Variants in RGS9 observed in about 807,000 individuals in gnomAD.
RGS9 encodes the protein regulator of G protein signaling 9.
A neutral mutation model predicts 102.0 loss-of-function variants in RGS9; 78 were observed. That is an observed-to-expected ratio of 0.76 (90% CI 0.64 to 0.92). The LOEUF (loss-of-function observed/expected upper bound fraction) is 0.92. RGS9 is among the 40% of genes least tolerant of loss of function. RGS9 has a pLI of 0.00. For missense variants in RGS9, 833 were observed against 866.1 expected, an observed-to-expected ratio of 0.96 and a Z score of 0.48; for synonymous variants, 353 against 318.6, an observed-to-expected ratio of 1.11 and a Z score of -1.15.
rs190284951 is a variant in RGS9 at position 65,225,300 on chromosome 17, G to C, written c.1706G>C (p.Arg569Pro). The change falls in exon 18 of 19, where the codon CGG becomes CCG. Residue 569 changes from arginine (R) to proline (P), a missense_variant. Transcript: ENST00000262406. ...CTCGACACCTCCTGGCCTCGCAGCCGGCCCAGGGCCCCTCCTAAGGCCCGC... is the reference window on the plus strand; with the variant it reads ...CTCGACACCTCCTGGCCTCGCAGCCCGCCCAGGGCCCCTCCTAAGGCCCGC... The part of the protein sequence containing the change: ...ASLDTSWPRS[R>P]PRAPPKARMA... 1.2e-6 allele frequency: 2 copies of C among 1,608,954 alleles called. No individual in the cohort carries two copies. Among genetic ancestry groups the C allele is most frequent in the Non-Finnish European group, 1.7e-6 (2 of 1,179,838 alleles).
intron 14 of RGS9, among the ~76,000 whole-genome samples, chr17:65,203,319 C>T (rs1391551752): frequency 6.6e-6 from 1 of 152,162 alleles, no homozygotes; most frequent in African/African-American, 2.4e-5. Context: ...GTCCGGGAAG[C>T]TTCCATGACA....
chr17:65,171,697 G>T (rs1404348104), intron 8 of RGS9, among the ~76,000 whole-genome samples: 1 of 152,250 alleles, frequency 6.6e-6, no homozygotes, highest in Non-Finnish European at 1.5e-5. Context: ...GTAGTTGAGG[G>T]CTCTGACCTG....
Position 65,137,465 on chromosome 17 carries a change from C to T in RGS9, c.-76C>T, listed in dbSNP as rs1025476249. On this transcript the variant is annotated 5_prime_UTR_variant, in exon 1 of 19. Transcript: ENST00000262406. The stretch of plus-strand genomic sequence containing the variant: ...ACGCCCAGGGCTGGGGCGAGCCAGG[C>T]TGCCTTTCGAACTTGGGGGGCTTCT... 1.3e-6 allele frequency: 2 copies of T among 1,483,098 alleles called. No individual in the cohort carries two copies. The highest frequency in any genetic ancestry group is 2.3e-5 in the East Asian group (1 of 44,202). 91.9% of individuals were successfully genotyped at this position (1,483,098 alleles called of 1,614,324 possible). A position where few individuals can be genotyped will look rare whatever the true frequency, so the allele number is the denominator to read the frequency against.
rs968978926 is a variant in RGS9, at chr17:65,193,629, C to A, written c.833C>A (p.Thr278Asn). 2 of 1,613,266 alleles carry A rather than the reference C, an allele frequency of 1.2e-6. No individual in the cohort carries two copies. Among genetic ancestry groups the A allele is most frequent in the South Asian group, 1.1e-5 (1 of 91,064 alleles). ...LPSNPWITDD[T>N]QFWDLNAKLV... ...AGCAACCCCTGGATCACCGATGACA[C>A]CCAGTTCTGGGACTTAAATGCCAAA... Residue 278 changes from threonine (T) to asparagine (N), a missense_variant, in exon 12 of 19, where the codon ACC (threonine) becomes AAC (asparagine). Coordinates refer to ENST00000262406, the MANE Select transcript of RGS9 (RefSeq NM_003835.4).
At chr17:65,210,768 T>A (rs1004747803) in intron 17 of RGS9, 163 bp downstream of exon 17, 1 of 1,208,742 alleles carries the variant, frequency 8.3e-7, no homozygotes, top group Non-Finnish European at 1.2e-6. Flanking sequence ...GGTCATCAGG[T>A]TCATCCCATA....
intron 2 of RGS9, among the ~76,000 whole-genome samples, chr17:65,154,262 G>A (rs767454383): frequency 3.3e-5 from 5 of 152,192 alleles, no homozygotes; most frequent in Middle Eastern, 3.4e-3. Context: ...AGCCAAGATC[G>A]CACCACTGCA....
chr17:65,142,193 G>A (rs1316134974), intron 1 of RGS9, among the ~76,000 whole-genome samples: 1 of 152,160 alleles, frequency 6.6e-6, no homozygotes, highest in African/African-American at 2.4e-5. Flanking sequence ...GCAGTGAGCT[G>A]AGATCATGCC....
rs1001304893 is a variant in RGS9, at chr17:65,137,434, C to T, written c.-107C>T. On this transcript the variant is annotated 5_prime_UTR_variant, in exon 1 of 19. Coordinates refer to ENST00000262406, the MANE Select transcript of RGS9 (RefSeq NM_003835.4). Reference sequence around the variant, plus strand: ...GCGCCCTCCCCGCCCAGCCGCCTCCCCGTCGACGCCCAGGGCTGGGGCGAG... The same window carrying T: ...GCGCCCTCCCCGCCCAGCCGCCTCCTCGTCGACGCCCAGGGCTGGGGCGAG... The T allele has an allele frequency of 1.7e-6, 2 of 1,159,088 alleles. No homozygotes were observed. Among genetic ancestry groups the T allele is most frequent in the Non-Finnish European group, 2.6e-6 (2 of 782,060 alleles). The allele number at this position is 1,159,088 out of a possible 1,614,324, so 71.8% of individuals were successfully genotyped here.
intron 2 of RGS9, 53 bp from the exon 3 acceptor site, chr17:65,158,242 G>C (rs371163516): frequency 1.4e-5 from 22 of 1,540,704 alleles, no homozygotes; most frequent in Non-Finnish European, 1.9e-5. Flanking sequence ...GTGGAGGAGC[G>C]GGGATGTGTC....
intron 1 of RGS9, among the ~76,000 whole-genome samples, chr17:65,144,505 G>A (rs959683804): frequency 6.6e-6 from 1 of 152,222 alleles, no homozygotes; most frequent in African/African-American, 2.4e-5. Context: ...TCCCCGACAC[G>A]GGGTCAGACA....
At chr17:65,181,483 C>A (rs1030296363) in intron 9 of RGS9, among the ~76,000 whole-genome samples, 1 of 152,246 alleles carries the variant, frequency 6.6e-6, no homozygotes, top group African/African-American at 2.4e-5. Flanking sequence ...GTGTCTCGGG[C>A]CCTGGGTGGC....
chr17:65,180,505 G>A (rs1265902014), intron 9 of RGS9, among the ~76,000 whole-genome samples: 9 of 151,918 alleles, frequency 5.9e-5, no homozygotes, highest in Non-Finnish European at 1.0e-4. Flanking sequence ...GTTCCACCAC[G>A]CCCAGCTAAT....
chr17:65,215,489 G>GTTCTTTCTTTCTTTCTTTCT lies in RGS9; in HGVS notation c.1407+4891_1407+4892insTTTCTTTCTTTCTTTCTTTC, dbSNP rs1453846214. On this transcript the variant is annotated intron_variant, in intron 17 of 18. Coordinates refer to ENST00000262406, the MANE Select transcript of RGS9 (RefSeq NM_003835.4). Reference sequence around the variant, plus strand: ...TTCTTTCTTTCTCTATCTTTCTTTCGTTCTTTCGTTCTTTCTTTCTTTCTT... The same window carrying GTTCTTTCTTTCTTTCTTTCT: ...TTCTTTCTTTCTCTATCTTTCTTTCGTTCTTTCTTTCTTTCTTTCTTTCTTTCGTTCTTTCTTTCTTTCTT... Among the ~76,000 whole-genome samples, 103 of 116,152 alleles carry GTTCTTTCTTTCTTTCTTTCT rather than the reference G, an allele frequency of 8.9e-4. 2 individuals carry two copies. Among genetic ancestry groups the GTTCTTTCTTTCTTTCTTTCT allele is most frequent in the East Asian group, 1.4e-3 (6 of 4,188 alleles). The allele number at this position is 116,152 out of a possible 152,430, so 76.2% of individuals were successfully genotyped here.
chr17:65,180,159 C>G (rs1412606849), intron 9 of RGS9: 2 of 152,202 alleles, frequency 1.3e-5, no homozygotes, highest in East Asian at 3.8e-4. Flanking sequence ...CCACTGTCTG[C>G]GAGTCCCCTG....
chr17:65,201,536 G>C (rs777793284), intron 13 of RGS9, among the ~76,000 whole-genome samples: 1 of 152,188 alleles, frequency 6.6e-6, no homozygotes, highest in Non-Finnish European at 1.5e-5. Context: ...AAACCGTAGC[G>C]TAGCAACGCA....
At chr17:65,214,048 A>C (rs1451763065) in intron 17 of RGS9, among the ~76,000 whole-genome samples, 1 of 151,992 alleles carries the variant, frequency 6.6e-6, no homozygotes, top group Non-Finnish European at 1.5e-5. Flanking sequence ...TGCAGCCTTG[A>C]CCTCCCAGGC....
intron 17 of RGS9, among the ~76,000 whole-genome samples, chr17:65,216,333 T>C (rs939987160): frequency 1.3e-4 from 20 of 152,112 alleles, no homozygotes; most frequent in Admixed American, 2.6e-4. Context: ...GAGAGACAGA[T>C]TGGTTTTAGA....
intron 1 of RGS9, among the ~76,000 whole-genome samples, chr17:65,142,255 A>G (rs1046222548): frequency 1.3e-5 from 2 of 152,208 alleles, no homozygotes; most frequent in East Asian, 3.8e-4. Flanking sequence ...AAAAAAACCC[A>G]AAAACCAAAA....
chr17:65,163,131 C>T (rs1911050960), intron 7 of RGS9, 42 bp downstream of exon 7: 3 of 932,976 alleles, frequency 3.2e-6, no homozygotes, highest in East Asian at 2.6e-5. Flanking sequence ...GGTGTCTTTC[C>T]TCCCTCTCTT....
Sources: gnomAD v4.1 joint callset for allele counts (sites outside exome capture counted in the v4.1 genomes callset) on GRCh38, gnomAD v4.1.1 for gene constraint, MANE v1.5 for transcripts, NCBI Gene and HGNC (gene_info 2026-07-23, HGNC 2026-07-21) for gene names.